TYW1B: variants seen among roughly 807,000 people sequenced by gnomAD.
TYW1B encodes tRNA-yW synthesizing protein 1 homolog B.
Under a neutral mutation model 86.9 loss-of-function variants are expected in TYW1B, and 73 were observed. The observed-to-expected ratio is 0.84, with a 90% CI of 0.70 to 1.02. TYW1B has a LOEUF of 1.02. Ranked by LOEUF, TYW1B falls within the 50% of genes least tolerant of loss-of-function variation. The pLI, the probability that TYW1B is intolerant of heterozygous loss-of-function variation, is 0.00. For synonymous variants in TYW1B, 248 were observed against 292.8 expected, an observed-to-expected ratio of 0.85 and a Z score of 1.56; for missense variants, 637 against 827.4, an observed-to-expected ratio of 0.77 and a Z score of 2.82.
chr7:72,642,793 C>CA (rs1554441642), intron 11 of TYW1B, among the ~76,000 whole-genome samples: 1 of 152,068 alleles, frequency 6.6e-6, no homozygotes, highest in Non-Finnish European at 1.5e-5. Flanking sequence ...CCCAGCTACT[C>CA]AGGAGGCTGA....
chr7:72,763,522 T>C (rs894693229), intron 7 of TYW1B, among the ~76,000 whole-genome samples: 1 of 152,076 alleles, frequency 6.6e-6, no homozygotes, highest in South Asian at 2.1e-4. Flanking sequence ...GACCTTGTGA[T>C]CCACCCGCCT....
chr7:72,825,572 C>T (rs1221229847), intron 2 of TYW1B, among the ~76,000 whole-genome samples: 2 of 152,038 alleles, frequency 1.3e-5, no homozygotes, highest in Non-Finnish European at 2.9e-5. Context: ...CCCAGCTACT[C>T]GGGAGGCTGA....
At chr7:72,731,125 GAAAAAAAAAA>G (rs1162938084) in intron 8 of TYW1B, among the ~76,000 whole-genome samples, 4 of 71,160 alleles carry the variant, frequency 5.6e-5, no homozygotes, top group African/African-American at 1.6e-4. Flanking sequence ...CTAAGGGCTG[GAAAAAAAAAA>G]AAAAAAAAAA....
intron 3 of TYW1B, among the ~76,000 whole-genome samples, chr7:72,811,936 G>A (rs200855547): frequency 4.5e-4 from 57 of 126,312 alleles, no homozygotes; most frequent in South Asian, 1.5e-3. Flanking sequence ...AAAAAAAAAA[G>A]GAAAAGAAAA....
At chr7:72,749,903 GTTTT>G (rs1279759217) in intron 7 of TYW1B, among the ~76,000 whole-genome samples, 2 of 74,988 alleles carry the variant, frequency 2.7e-5, no homozygotes, top group East Asian at 2.7e-4. Context: ...TTCTATGTTG[GTTTT>G]TTTTGTTTTT....
At chr7:72,622,056 A>C (rs1217064924) in intron 12 of TYW1B, among the ~76,000 whole-genome samples, 2 of 152,242 alleles carry the variant, frequency 1.3e-5, no homozygotes, top group Non-Finnish European at 2.9e-5. Context: ...CTCAAGGTGT[A>C]ATGCTAGGCA....
chr7:72,602,833 AACAC>A (rs55709140), intron 13 of TYW1B, among the ~76,000 whole-genome samples: 14,173 of 127,600 alleles, frequency 0.11, 609 homozygotes, highest in Non-Finnish European at 0.12. Flanking sequence ...AAGTGCTCAA[AACAC>A]ACACACACAC....
intron 7 of TYW1B, among the ~76,000 whole-genome samples, chr7:72,764,446 C>A (rs1787738935): frequency 6.6e-6 from 1 of 152,274 alleles, no homozygotes; most frequent in East Asian, 1.9e-4. Flanking sequence ...CCACGCCCAG[C>A]TAATTTTTGT....
intron 6 of TYW1B, among the ~76,000 whole-genome samples, chr7:72,777,944 A>T (rs35904075): frequency 0.68 from 103,671 of 151,590 alleles, 36,266 homozygotes; most frequent in Non-Finnish European, 0.76. Flanking sequence ...AATAATTTTT[A>T]AAAATTGTTT....
Position 72,802,487 on chromosome 7 carries a change from C to T in TYW1B, c.759G>A (p.Glu253=). ...EEPFESSSEE[E]FGGEDHQSLN... ...GGCTCTGATGGTCCTCACCACCAAA[C>T]TCTTCTTCACTGGAGCTCTCGAAGG... The change falls in exon 6 of 14, where the codon GAG becomes GAA. Residue 253 remains glutamate (E), a synonymous_variant. Coordinates refer to ENST00000620995, the MANE Select transcript of TYW1B (RefSeq NM_001145440.3). The T allele has an allele frequency of 3.7e-6, 6 of 1,613,968 alleles. No individual in the cohort carries two copies. Among genetic ancestry groups the T allele is most frequent in the Non-Finnish European group, 5.1e-6 (6 of 1,179,866 alleles).
chr7:72,728,129 C>T (rs1391198209), intron 9 of TYW1B, among the ~76,000 whole-genome samples: 1 of 151,692 alleles, frequency 6.6e-6, no homozygotes, highest in African/African-American at 2.4e-5. Context: ...ACCGTTTTTC[C>T]ATCACTAACT....
chr7:72,806,173 T>C (rs773293318), intron 5 of TYW1B, among the ~76,000 whole-genome samples: 13 of 151,650 alleles, frequency 8.6e-5, no homozygotes, highest in Non-Finnish European at 1.9e-4. Flanking sequence ...CAAAATGTGG[T>C]AAAAATCTAC....
chr7:72,619,739 T>C (rs2129568487), intron 12 of TYW1B, among the ~76,000 whole-genome samples: 1 of 152,194 alleles, frequency 6.6e-6, no homozygotes, highest in Middle Eastern at 3.4e-3. Context: ...AAATTATTTA[T>C]TGATAAGCAT....
intron 6 of TYW1B, among the ~76,000 whole-genome samples, chr7:72,784,855 T>A (rs1219417563): frequency 1.3e-5 from 2 of 151,264 alleles, no homozygotes; most frequent in Non-Finnish European, 2.9e-5. Context: ...CCCTAACCCA[T>A]TCTCCAATTC....
At chr7:72,673,969 A>G (rs1317788147) in intron 11 of TYW1B, among the ~76,000 whole-genome samples, 2 of 152,132 alleles carry the variant, frequency 1.3e-5, no homozygotes, top group Non-Finnish European at 2.9e-5. Flanking sequence ...TTAAAAAGGT[A>G]ATTTCTGGTC....
rs782075685 is a variant in TYW1B, at chr7:72,815,376, C to T, written c.237+4G>A. 1.7e-5 allele frequency: 27 copies of T among 1,576,324 alleles called. No individual in the cohort carries two copies. The highest frequency in any genetic ancestry group is 4.0e-5 in the Admixed American group (2 of 50,530). On this transcript the variant is annotated splice_donor_region_variant and intron_variant, in intron 3 of 13. Transcript: ENST00000620995. ...TTTGATTGAAGAAAAAGACAATTAC[C>T]AACCTCTTCTATCAGATGATCATCT...
At chr7:72,692,822 C>T (rs192364343) in intron 11 of TYW1B, among the ~76,000 whole-genome samples, 2 of 152,156 alleles carry the variant, frequency 1.3e-5, no homozygotes, top group African/African-American at 4.8e-5. Flanking sequence ...TAACCGAAGA[C>T]TCAGAAGGGA....
intron 11 of TYW1B, among the ~76,000 whole-genome samples, chr7:72,639,020 C>T (rs1554441152): frequency 6.6e-6 from 1 of 152,000 alleles, no homozygotes. Context: ...ATAAGTAGCA[C>T]ACAAGAAAGG....
At chr7:72,776,490 G>A (rs1423665586) in intron 7 of TYW1B, among the ~76,000 whole-genome samples, 2 of 139,480 alleles carry the variant, frequency 1.4e-5, no homozygotes, top group African/African-American at 2.6e-5. Flanking sequence ...GAACCCAGGA[G>A]GCAGAGGTTA....
Sources: gnomAD v4.1 joint callset for allele counts (sites outside exome capture counted in the v4.1 genomes callset) on GRCh38, gnomAD v4.1.1 for gene constraint, MANE v1.5 for transcripts, NCBI Gene and HGNC (gene_info 2026-07-23, HGNC 2026-07-21) for gene names.